The following LHCGR variants were observed in gnomAD, a reference collection of about 807,000 sequenced individuals.
LHCGR encodes the protein luteinizing hormone/choriogonadotropin receptor, also known as lutropin-choriogonadotropic hormone receptor.
Under a neutral mutation model 60.7 loss-of-function variants are expected in LHCGR, and 55 were observed. The ratio of observed to expected loss-of-function variants is 0.91; its 90% CI spans 0.73 to 1.13. The LOEUF (loss-of-function observed/expected upper bound fraction) is 1.13. Ranked by LOEUF, LHCGR falls within the 50% of genes most tolerant of loss-of-function variation. The pLI is 0.00. For synonymous variants in LHCGR, 337 were observed against 316.5 expected (o/e 1.06, Z -0.69); for missense variants, 862 against 836.0 (o/e 1.03, Z -0.38).
At chr2:48,710,490 T>A (rs1667926200) in intron 7 of LHCGR, among the ~76,000 whole-genome samples, 1 of 152,252 alleles carries the variant, frequency 6.6e-6, no homozygotes, top group Non-Finnish European at 1.5e-5. Context: ...TGTATACTGA[T>A]AACTCTGTAT....
chr2:48,718,911 C>G (rs928521746), intron 6 of LHCGR, among the ~76,000 whole-genome samples: 3 of 152,196 alleles, frequency 2.0e-5, no homozygotes, highest in African/African-American at 4.8e-5. Context: ...CCTCCTGCCT[C>G]TCAGCAGCAC....
At position 48,719,856 on chromosome 2, in the gene LHCGR, A is replaced by G. The variant is rs529366153; in HGVS notation, c.536+3600T>C. Among the ~76,000 whole-genome samples, 9 of 152,358 alleles carry G rather than the reference A, an allele frequency of 5.9e-5. No homozygotes were observed. In the South Asian group the frequency reaches 8.3e-4, roughly 14 times the overall value. On this transcript the variant is annotated intron_variant, in intron 6 of 10. Coordinates refer to ENST00000294954, the MANE Select transcript of LHCGR (RefSeq NM_000233.4). ...TTTTCTAATTAGAGAGTTGAACTTT[A>G]TAGCTGAGAAAATAAGGCTTTCCTC...
intron 1 of LHCGR, among the ~76,000 whole-genome samples, chr2:48,751,992 A>G (rs1047332062): frequency 6.6e-6 from 1 of 152,230 alleles, no homozygotes; most frequent in Admixed American, 6.5e-5. Context: ...TTATATAGCC[A>G]TGGGCAAGGT....
chr2:48,734,721 A>G (rs192709926), intron 1 of LHCGR, among the ~76,000 whole-genome samples: 48 of 152,330 alleles, frequency 3.2e-4, no homozygotes, highest in African/African-American at 1.1e-3. Context: ...GAGGGCAAAA[A>G]TGCCTAAGGC....
rs113455986 is a variant in LHCGR at position 48,694,480 on chromosome 2, T to G, written c.867-176A>C. Among the ~76,000 whole-genome samples, 411 of 152,282 alleles carry G rather than the reference T, an allele frequency of 2.7e-3. 6 individuals are homozygous for G. The highest frequency in any genetic ancestry group is 9.6e-3 in the African/African-American group (400 of 41,558). On this transcript the variant is annotated intron_variant, in intron 9 of 10. Coordinates refer to ENST00000294954, the MANE Select transcript of LHCGR (RefSeq NM_000233.4). Reference sequence around the variant, plus strand: ...GAGGAGAGAGTAAAGGCTTCTGAATTGTCATTAGAGTGCTTCCAGCTTAGA... The same window carrying G: ...GAGGAGAGAGTAAAGGCTTCTGAATGGTCATTAGAGTGCTTCCAGCTTAGA...
intron 1 of LHCGR, among the ~76,000 whole-genome samples, chr2:48,734,419 G>C (rs1427893991): frequency 6.6e-6 from 1 of 152,064 alleles, no homozygotes; most frequent in East Asian, 1.9e-4. Context: ...AAACAGAGAG[G>C]GACTTTGAAT....
Position 48,714,306 on chromosome 2 carries a change from C to T in LHCGR, c.537-252G>A, listed in dbSNP as rs886152157. Among the ~76,000 whole-genome samples the T allele has an allele frequency of 1.1e-4, 16 of 152,050 alleles. 1 individual carries two copies. The highest frequency in any genetic ancestry group is 3.9e-4 in the African/African-American group (16 of 41,374). Reference sequence around the variant, plus strand: ...CATTATACCGACAAGAAGCCTAACCCTCAGTGTGGTTATGTAGCTTGCTTA... The same window carrying T: ...CATTATACCGACAAGAAGCCTAACCTTCAGTGTGGTTATGTAGCTTGCTTA... On this transcript the variant is annotated intron_variant, in intron 6 of 10. Coordinates refer to ENST00000294954, the MANE Select transcript of LHCGR (RefSeq NM_000233.4).
chr2:48,700,466 T>C (rs1667353085), intron 8 of LHCGR, among the ~76,000 whole-genome samples: 1 of 151,848 alleles, frequency 6.6e-6, no homozygotes, highest in Non-Finnish European at 1.5e-5. Context: ...GACATGAGAG[T>C]GTAGGGGTCT....
chr2:48,724,360 TC>T (rs561544261), intron 4 of LHCGR, among the ~76,000 whole-genome samples: 183 of 152,332 alleles, frequency 1.2e-3, no homozygotes, highest in African/African-American at 4.1e-3. Flanking sequence ...TGGGGCTCCC[TC>T]AGAGTCTAGG....
intron 8 of LHCGR, among the ~76,000 whole-genome samples, chr2:48,699,266 C>G (rs1185112894): frequency 2.0e-5 from 3 of 152,100 alleles, no homozygotes; most frequent in Non-Finnish European, 1.5e-5. Context: ...TTCAGAAAAG[C>G]GAGTCTGTAT....
chr2:48,690,579 G>A (rs1680182337), intron 10 of LHCGR, among the ~76,000 whole-genome samples: 4 of 152,140 alleles, frequency 2.6e-5, no homozygotes, highest in Non-Finnish European at 1.5e-5. Flanking sequence ...AAAATGACTC[G>A]TAGTTCTCTG....
chr2:48,721,876 G>A, intron 6 of LHCGR: 1 of 441,694 alleles, frequency 2.3e-6, no homozygotes, highest in South Asian at 1.7e-5. Flanking sequence ...TGAGGCCGGG[G>A]GGTGGTGACT....
chr2:48,723,745 G>T (rs1178075016), intron 4 of LHCGR, 49 bp from the exon 5 acceptor site: 2 of 1,307,724 alleles, frequency 1.5e-6, no homozygotes, highest in Non-Finnish European at 2.2e-6. Flanking sequence ...GGGTAAAAGT[G>T]ATTGTCATTA....
At chr2:48,717,129 A>G (rs551631806) in intron 6 of LHCGR, among the ~76,000 whole-genome samples, 1 of 152,184 alleles carries the variant, frequency 6.6e-6, no homozygotes, top group Admixed American at 6.5e-5. Flanking sequence ...CTTCTAAGTG[A>G]TGATCGCACT....
rs1477311788 is a variant in LHCGR, at chr2:48,723,527, A to T, written c.465T>A (p.Ile155=). ...FSSESNFILE[I]CDNLHITTIP... ...TGGTGGTTATGTGTAAGTTATCACA[A>T]ATTTCCCTTGAGGAAAGAAATGAGA... The change falls in exon 6 of 11, where the codon ATT becomes ATA. Residue 155 remains isoleucine, a synonymous_variant. Coordinates refer to ENST00000294954, the MANE Select transcript of LHCGR (RefSeq NM_000233.4). 6.2e-7 allele frequency: 1 copy of T among 1,612,670 alleles called. No homozygotes were observed. The highest frequency in any genetic ancestry group is 1.3e-5 in the African/African-American group (1 of 74,912).
chr2:48,732,050 T>C (rs1354797545), intron 1 of LHCGR, among the ~76,000 whole-genome samples: 1 of 152,202 alleles, frequency 6.6e-6, no homozygotes, highest in African/African-American at 2.4e-5. Context: ...GAAATTGAAA[T>C]AAAATCTATG....
At chr2:48,742,980 A>T (rs538829028) in intron 1 of LHCGR, among the ~76,000 whole-genome samples, 1 of 152,348 alleles carries the variant, frequency 6.6e-6, no homozygotes, top group East Asian at 1.9e-4. Context: ...AGAAGAATCC[A>T]ATAGATGCAA....
intron 6 of LHCGR, among the ~76,000 whole-genome samples, chr2:48,719,021 G>T (rs1384040672): frequency 1.3e-5 from 2 of 152,178 alleles, no homozygotes; most frequent in South Asian, 4.1e-4. Context: ...CAGAAAGAAT[G>T]ATAACAATAA....
At chr2:48,719,639 G>C (rs965556701) in intron 6 of LHCGR, among the ~76,000 whole-genome samples, 4 of 152,122 alleles carry the variant, frequency 2.6e-5, no homozygotes, top group African/African-American at 4.8e-5. Context: ...GCTATAAAGG[G>C]ACATAAAAGC....
Sources: allele counts gnomAD v4.1 joint callset (sites outside exome capture counted in the v4.1 genomes callset), GRCh38; gene constraint gnomAD v4.1.1; transcripts MANE v1.5; gene names NCBI Gene and HGNC (gene_info 2026-07-23, HGNC 2026-07-21).